Variants in STRADB observed in about 807,000 individuals in gnomAD.
The protein encoded by STRADB is STE20-related kinase adapter protein beta.
Under a neutral mutation model 52.1 loss-of-function variants are expected in STRADB, and 34 were observed. The ratio of observed to expected loss-of-function variants is 0.65; its 90% CI spans 0.50 to 0.87. The LOEUF (loss-of-function observed/expected upper bound fraction) is 0.87, where lower values mean the gene tolerates loss of function less well. STRADB is among the 40% of genes least tolerant of loss of function. The pLI is 0.00. For missense variants in STRADB, 340 were observed against 483.9 expected (o/e 0.70, Z 2.79); for synonymous variants, 133 against 174.5 (o/e 0.76, Z 1.87).
intron 10 of STRADB, 119 bp from the exon 11 acceptor site, chr2:201,479,370 T>C: frequency 1.1e-6 from 1 of 879,474 alleles, no homozygotes. Context: ...ATACATTCTT[T>C]TTAATCTTTT....
intron 3 of STRADB, among the ~76,000 whole-genome samples, chr2:201,466,971 T>C (rs1952313962): frequency 6.6e-6 from 1 of 152,166 alleles, no homozygotes; most frequent in South Asian, 2.1e-4. Flanking sequence ...CTGAAAACAC[T>C]TCAGAGTGCT....
chr2:201,458,918 C>G, intron 3 of STRADB, 54 bp downstream of exon 3: 1 of 1,491,434 alleles, frequency 6.7e-7, no homozygotes, highest in South Asian at 1.2e-5. Context: ...TCCCAACACT[C>G]TGGGAGGCCA....
At chr2:201,469,099 A>G (rs959163602) in intron 3 of STRADB, among the ~76,000 whole-genome samples, 3 of 152,140 alleles carry the variant, frequency 2.0e-5, no homozygotes, top group Non-Finnish European at 4.4e-5. Flanking sequence ...TAATCCTGTC[A>G]CTGTTTCAAA....
At chr2:201,456,267 C>G (rs1352156835) in intron 2 of STRADB, among the ~76,000 whole-genome samples, 1 of 152,168 alleles carries the variant, frequency 6.6e-6, no homozygotes, top group Non-Finnish European at 1.5e-5. Flanking sequence ...TTTGCCGACC[C>G]TTACTCTAAA....
chr2:201,478,632 A>T lies in STRADB; in HGVS notation c.1070+31A>T, dbSNP rs921784066. On this transcript the variant is annotated intron_variant, in intron 10 of 11. Transcript: ENST00000194530. ...ATTGATCTCTTTTAAATAGCACAAA[A>T]TGTACATGTTTTACATTTTATAGAA... is the stretch of plus-strand genomic sequence containing the variant. 5 of 1,601,818 alleles carry T rather than the reference A, an allele frequency of 3.1e-6. No homozygotes were observed. The African/African-American group carries it at 4.0e-5, about 13-fold the overall frequency.
chr2:201,454,123 A>G (rs1952092303), intron 1 of STRADB, among the ~76,000 whole-genome samples: 1 of 152,176 alleles, frequency 6.6e-6, no homozygotes, highest in Non-Finnish European at 1.5e-5. Flanking sequence ...TGAACCCACA[A>G]ACTTACAAGA....
chr2:201,479,942 A>T, intron 11 of STRADB, 90 bp from the exon 12 acceptor site: 1 of 1,472,570 alleles, frequency 6.8e-7, no homozygotes, highest in Non-Finnish European at 9.4e-7. Flanking sequence ...AAACACATTT[A>T]ACATAAATTC....
At chr2:201,456,056 G>C (rs1375634598) in intron 2 of STRADB, among the ~76,000 whole-genome samples, 6 of 152,218 alleles carry the variant, frequency 3.9e-5, no homozygotes, top group African/African-American at 1.2e-4. Context: ...TTCTGTAAAG[G>C]AGGGATCAGC....
intron 2 of STRADB, among the ~76,000 whole-genome samples, chr2:201,455,681 G>GT (rs1341516365): frequency 6.6e-6 from 1 of 151,904 alleles, no homozygotes; most frequent in African/African-American, 2.4e-5. Flanking sequence ...TCCAGCCTGG[G>GT]TGATAGAGGG....
At chr2:201,452,229 G>T (rs1276641385) in intron 1 of STRADB, among the ~76,000 whole-genome samples, 1 of 151,942 alleles carries the variant, frequency 6.6e-6, no homozygotes, top group Non-Finnish European at 1.5e-5. Context: ...AGGTGCGCGG[G>T]GCCCAGGCCG....
intron 1 of STRADB, among the ~76,000 whole-genome samples, chr2:201,453,724 T>A (rs1043140267): frequency 6.6e-6 from 1 of 152,182 alleles, no homozygotes; most frequent in African/African-American, 2.4e-5. Context: ...GTTTGCTAAT[T>A]AGGGGCACTT....
chr2:201,462,358 C>G (rs1312061378), intron 3 of STRADB, among the ~76,000 whole-genome samples: 2 of 152,104 alleles, frequency 1.3e-5, no homozygotes, highest in African/African-American at 2.4e-5. Context: ...ATCGATTCAG[C>G]TACTCTATGT....
At chr2:201,476,384 T>C (rs1253806706) in intron 7 of STRADB, among the ~76,000 whole-genome samples, 1 of 150,542 alleles carries the variant, frequency 6.6e-6, no homozygotes, top group Non-Finnish European at 1.5e-5. Flanking sequence ...TTAGCAAAAT[T>C]CTAGTTAACC....
chr2:201,466,525 C>T (rs1025918395), intron 3 of STRADB, among the ~76,000 whole-genome samples: 1 of 152,192 alleles, frequency 6.6e-6, no homozygotes, highest in African/African-American at 2.4e-5. Context: ...CTGTAAAACA[C>T]CATCTGTTGT....
intron 3 of STRADB, chr2:201,460,850 T>C (rs1952203320): frequency 4.1e-6 from 1 of 246,768 alleles, no homozygotes; most frequent in Non-Finnish European, 8.9e-6. Context: ...CTCTTCAATA[T>C]ACTGATTTCT....
At chr2:201,470,399 C>T (rs1389274062) in intron 4 of STRADB, among the ~76,000 whole-genome samples, 2 of 152,208 alleles carry the variant, frequency 1.3e-5, no homozygotes, top group Non-Finnish European at 2.9e-5. Flanking sequence ...TTTTCAGTCA[C>T]AATCCTTTAA....
At chr2:201,460,461 A>T (rs1952196205) in intron 3 of STRADB, among the ~76,000 whole-genome samples, 1 of 152,144 alleles carries the variant, frequency 6.6e-6, no homozygotes, top group South Asian at 2.1e-4. Context: ...CTGTCATGTT[A>T]TCAAATACTA....
rs756280152 is a variant in STRADB at position 201,478,522 on chromosome 2, C to T, written c.991C>T (p.His331Tyr). 3.5e-5 allele frequency: 57 copies of T among 1,613,844 alleles called. No homozygotes were observed. Among genetic ancestry groups the T allele is most frequent in the Non-Finnish European group, 4.2e-5 (50 of 1,180,006 alleles). The stretch of plus-strand genomic sequence containing the variant: ...TCACACAGTAAATAGTGACCGATTA[C>T]ACACACCATCCTCAAAAACTTTCTC... ...GTHTVNSDRL[H>Y]TPSSKTFSPA... Residue 331 changes from histidine to tyrosine, a missense_variant, in exon 10 of 12, where the codon CAC (histidine) becomes TAC (tyrosine). Physicochemically the swap from His to Tyr is moderately conservative, Grantham distance 83. Transcript: ENST00000194530.
chr2:201,471,856 G>A (rs1049800891), intron 4 of STRADB, among the ~76,000 whole-genome samples: 1 of 152,216 alleles, frequency 6.6e-6, no homozygotes, highest in Non-Finnish European at 1.5e-5. Context: ...TAATTCTGGT[G>A]TGTGCCCTGG....
Sources: allele counts gnomAD v4.1 joint callset (sites outside exome capture counted in the v4.1 genomes callset), GRCh38; gene constraint gnomAD v4.1.1; transcripts MANE v1.5; gene names NCBI Gene and HGNC (gene_info 2026-07-23, HGNC 2026-07-21).